INTS9: variants seen among roughly 807,000 people sequenced by gnomAD.
The protein encoded by INTS9 is integrator complex subunit 9, also known as protein related to CPSF subunits of 74 kDa.
Under a neutral mutation model 79.7 loss-of-function variants are expected in INTS9, and 55 were observed. The ratio of observed to expected loss-of-function variants is 0.69; its 90% confidence interval spans 0.56 to 0.86. The LOEUF is 0.86. Among genes scored for constraint, INTS9 ranks in the 40% least tolerant of loss-of-function variants. The pLI, the probability that INTS9 is intolerant of heterozygous loss-of-function variation, is 0.00. For synonymous variants in INTS9, 319 were observed against 325.2 expected (o/e 0.98, Z 0.20); for missense variants, 721 against 831.5 (o/e 0.87, Z 1.64).
At chr8:28,848,555 G>A (rs543706023) in intron 3 of INTS9, among the ~76,000 whole-genome samples, 34 of 152,280 alleles carry the variant, frequency 2.2e-4, no homozygotes, top group African/African-American at 7.0e-4. Context: ...CAATGTACCT[G>A]CCAGCTAAAA....
intron 10 of INTS9, 75 bp from the exon 11 acceptor site, chr8:28,787,964 G>T: frequency 1.1e-6 from 1 of 945,292 alleles, no homozygotes; most frequent in Non-Finnish European, 1.6e-6. Context: ...AGTGGCAGCA[G>T]TGCAAATATT....
intron 6 of INTS9, among the ~76,000 whole-genome samples, chr8:28,833,704 A>T (rs529488522): frequency 6.6e-6 from 1 of 152,116 alleles, no homozygotes; most frequent in South Asian, 2.1e-4. Context: ...TCAAAAGACT[A>T]GTTTTTACTC....
At chr8:28,814,050 T>C (rs1805317674) in intron 6 of INTS9, among the ~76,000 whole-genome samples, 1 of 150,522 alleles carries the variant, frequency 6.6e-6, no homozygotes, top group African/African-American at 2.5e-5. Context: ...TGAGCCACCG[T>C]GCTCAGCCAT....
chr8:28,834,735 G>T (rs1299998952), intron 6 of INTS9, among the ~76,000 whole-genome samples: 2 of 149,914 alleles, frequency 1.3e-5, no homozygotes, highest in African/African-American at 4.9e-5. Context: ...GGAGTGCAAT[G>T]GTGCAATCTC....
chr8:28,876,078 G>C (rs1224272659), intron 1 of INTS9, among the ~76,000 whole-genome samples: 1 of 152,048 alleles, frequency 6.6e-6, no homozygotes, highest in Non-Finnish European at 1.5e-5. Context: ...TTTTTGGGGG[G>C]TGTGTGTGGG....
At chr8:28,775,976 C>A in intron 13 of INTS9, 50 bp from the exon 14 acceptor site, 3 of 1,440,894 alleles carry the variant, frequency 2.1e-6, no homozygotes, top group South Asian at 1.4e-5. Context: ...GTACAGTGGC[C>A]CCTGTGGAAG....
At chr8:28,822,367 C>T (rs1338882895) in intron 6 of INTS9, among the ~76,000 whole-genome samples, 2 of 152,072 alleles carry the variant, frequency 1.3e-5, no homozygotes, top group African/African-American at 4.8e-5. Flanking sequence ...AAACCTTTTC[C>T]ATAAGTGGCT....
chr8:28,784,645 A>C (rs560025000), intron 11 of INTS9, among the ~76,000 whole-genome samples: 1 of 152,246 alleles, frequency 6.6e-6, no homozygotes, highest in Non-Finnish European at 1.5e-5. Flanking sequence ...ATCCCTAAAC[A>C]TATCTATCTG....
At chr8:28,838,991 GAGACA>G (rs1806994050) in intron 4 of INTS9, among the ~76,000 whole-genome samples, 1 of 152,190 alleles carries the variant, frequency 6.6e-6, no homozygotes, top group Non-Finnish European at 1.5e-5. Context: ...TGGGAGAAGT[GAGACA>G]CCATGGTTCA....
At chr8:28,844,826 T>G in intron 4 of INTS9, among the ~76,000 whole-genome samples, 1 of 151,870 alleles carries the variant, frequency 6.6e-6, no homozygotes, top group East Asian at 1.9e-4. Flanking sequence ...AAAAAAAAAA[T>G]TTTTCTTTTT....
intron 2 of INTS9, among the ~76,000 whole-genome samples, chr8:28,855,099 G>T (rs948070177): frequency 1.3e-5 from 2 of 152,122 alleles, no homozygotes; most frequent in African/African-American, 2.4e-5. Flanking sequence ...CTCCCTCCCA[G>T]TCCCCATCCA....
At chr8:28,815,353 G>T (rs148131259) in intron 6 of INTS9, among the ~76,000 whole-genome samples, 115 of 152,208 alleles carry the variant, frequency 7.6e-4, no homozygotes, top group African/African-American at 2.5e-3. Context: ...TGAAAAACCA[G>T]CAAAGCTTAT....
At chr8:28,878,791 C>G (rs113611172) in intron 1 of INTS9, among the ~76,000 whole-genome samples, 1 of 151,874 alleles carries the variant, frequency 6.6e-6, no homozygotes. Flanking sequence ...ACCAGCCTGA[C>G]CAACATGGAA....
At chr8:28,829,234 T>A (rs1806334698) in intron 6 of INTS9, among the ~76,000 whole-genome samples, 1 of 152,188 alleles carries the variant, frequency 6.6e-6, no homozygotes, top group African/African-American at 2.4e-5. Context: ...TTGCTTTACA[T>A]TTTCCCATTA....
chr8:28,840,208 C>T (rs1807085275), intron 4 of INTS9, among the ~76,000 whole-genome samples: 1 of 151,236 alleles, frequency 6.6e-6, no homozygotes, highest in African/African-American at 2.4e-5. Context: ...CCATCACTGG[C>T]CATCAGAGAA....
chr8:28,803,035 C>T (rs888261591), intron 8 of INTS9, among the ~76,000 whole-genome samples: 1 of 152,076 alleles, frequency 6.6e-6, no homozygotes, highest in African/African-American at 2.4e-5. Context: ...TCATCTGAGC[C>T]CATAGAGTTT....
chr8:28,785,461 T>C (rs1232275044), intron 11 of INTS9, among the ~76,000 whole-genome samples: 2 of 152,232 alleles, frequency 1.3e-5, no homozygotes, highest in African/African-American at 4.8e-5. Context: ...TGTACTCAGT[T>C]ACCTCACTAT....
intron 1 of INTS9, among the ~76,000 whole-genome samples, chr8:28,867,963 T>C (rs1271838114): frequency 2.0e-5 from 3 of 152,290 alleles, no homozygotes; most frequent in African/African-American, 7.2e-5. Context: ...AACATTCACA[T>C]GATCCCAAAG....
In INTS9 at chr8:28,768,331, GAAGAA is replaced by G; in HGVS notation, c.1801-14_1801-10del. The G allele has an allele frequency of 6.2e-7, 1 of 1,612,252 alleles. No homozygotes were observed. Among genetic ancestry groups the G allele is most frequent in the Non-Finnish European group, 8.5e-7 (1 of 1,179,954 alleles). On this transcript the variant is annotated splice_polypyrimidine_tract_variant and intron_variant, in intron 16 of 16. Coordinates refer to ENST00000521022, the MANE Select transcript of INTS9 (RefSeq NM_018250.4). Reference sequence around the variant, plus strand: ...ATATCACTGAAGCCATGCTGCTCCAGAAGAAAAGAAAGAGGTGGGCTGGGCAGACT... The same window carrying G: ...ATATCACTGAAGCCATGCTGCTCCAGAAGAAAGAGGTGGGCTGGGCAGACT...
Sources: allele counts gnomAD v4.1 joint callset (sites outside exome capture counted in the v4.1 genomes callset), GRCh38; gene constraint gnomAD v4.1.1; transcripts MANE v1.5; gene names NCBI Gene and HGNC (gene_info 2026-07-23, HGNC 2026-07-21).